The following MACROD2 variants were observed in gnomAD, a reference collection of about 807,000 sequenced individuals.
The protein encoded by MACROD2 is mono-ADP ribosylhydrolase 2.
In MACROD2, 36 loss-of-function variants were observed where a neutral mutation model predicts 70.4. The ratio of observed to expected loss-of-function variants is 0.51; its 90% CI spans 0.39 to 0.68. The LOEUF is 0.68. Ranked by LOEUF, MACROD2 falls within the 30% of genes least tolerant of loss-of-function variation. The probability of loss-of-function intolerance (pLI) is 0.00; values close to 1 mark genes in which losing one functional copy is unlikely to be tolerated. For missense variants in MACROD2, 496 were observed against 538.4 expected, an observed-to-expected ratio of 0.92 and a Z score of 0.78; for synonymous variants, 172 against 178.8, an observed-to-expected ratio of 0.96 and a Z score of 0.30.
chr20:15,139,981 C>T (rs748288038), intron 5 of MACROD2, among the ~76,000 whole-genome samples: 55 of 152,174 alleles, frequency 3.6e-4, no homozygotes, highest in Non-Finnish European at 6.3e-4. Flanking sequence ...TGATGGGTAT[C>T]GCCATTGAGG....
intron 6 of MACROD2, among the ~76,000 whole-genome samples, chr20:15,380,411 ATAACT>A (rs200706477): frequency 0.024 from 3,381 of 140,812 alleles, 115 homozygotes; most frequent in African/African-American, 0.093. Flanking sequence ...AGATTAGGAA[ATAACT>A]TAGGGAAAGT....
intron 8 of MACROD2, among the ~76,000 whole-genome samples, chr20:15,648,707 G>A (rs1206713211): frequency 6.6e-6 from 1 of 151,106 alleles, no homozygotes; most frequent in African/African-American, 2.4e-5. Context: ...TAGATGGATG[G>A]GTGGATGGAT....
At chr20:14,013,390 A>G (rs920066359) in intron 2 of MACROD2, among the ~76,000 whole-genome samples, 8 of 150,174 alleles carry the variant, frequency 5.3e-5, no homozygotes, top group Non-Finnish European at 1.2e-4. Flanking sequence ...CTCCTGCCTC[A>G]GCCTCCCGAG....
chr20:14,757,636 C>T, intron 5 of MACROD2: 2 of 1,201,804 alleles, frequency 1.7e-6, no homozygotes, highest in Non-Finnish European at 2.5e-6. Flanking sequence ...TGGCCAAGGA[C>T]ATCCACATGC....
At chr20:14,898,959 T>C (rs2073863257) in intron 5 of MACROD2, among the ~76,000 whole-genome samples, 1 of 152,134 alleles carries the variant, frequency 6.6e-6, no homozygotes, top group Admixed American at 6.5e-5. Flanking sequence ...AAATCATGCC[T>C]TTTTTTCTAG....
chr20:14,377,530 CT>C (rs150613474), intron 3 of MACROD2, among the ~76,000 whole-genome samples: 8,461 of 152,282 alleles, frequency 0.056, 270 homozygotes, highest in African/African-American at 0.075. Flanking sequence ...GTGCATCCCT[CT>C]TGGCTACAAA....
chr20:15,238,351 A>T (rs2077032285), intron 6 of MACROD2, among the ~76,000 whole-genome samples: 1 of 152,162 alleles, frequency 6.6e-6, no homozygotes, highest in Non-Finnish European at 1.5e-5. Context: ...GAAAAACAAT[A>T]TCACGTGTTG....
At chr20:14,729,012 T>A (rs1401274068) in intron 5 of MACROD2, among the ~76,000 whole-genome samples, 1 of 152,152 alleles carries the variant, frequency 6.6e-6, no homozygotes, top group Non-Finnish European at 1.5e-5. Flanking sequence ...TCCAATTAGA[T>A]AAATTTCTGA....
chr20:15,062,028 C>T (rs893608811), intron 5 of MACROD2, among the ~76,000 whole-genome samples: 9 of 152,198 alleles, frequency 5.9e-5, no homozygotes, highest in Non-Finnish European at 8.8e-5. Flanking sequence ...GAAGGCAGAG[C>T]AAGGGCAGAT....
intron 3 of MACROD2, among the ~76,000 whole-genome samples, chr20:14,439,601 A>T (rs2084097971): frequency 6.6e-6 from 1 of 152,138 alleles, no homozygotes; most frequent in African/African-American, 2.4e-5. Context: ...GAACTTGAAT[A>T]TGGGTTCTGC....
At chr20:15,394,488 A>G (rs529746359) in intron 6 of MACROD2, among the ~76,000 whole-genome samples, 1 of 152,324 alleles carries the variant, frequency 6.6e-6, no homozygotes, top group African/African-American at 2.4e-5. Context: ...AATGTTTTAC[A>G]TCTTAAATTA....
intron 8 of MACROD2, among the ~76,000 whole-genome samples, chr20:15,658,277 T>C (rs890391144): frequency 3.6e-4 from 54 of 151,686 alleles, no homozygotes; most frequent in African/African-American, 1.2e-3. Context: ...ATTTGACTTA[T>C]GGAGTGCTGC....
chr20:15,166,381 G>T (rs937060119), intron 5 of MACROD2, among the ~76,000 whole-genome samples: 29 of 152,286 alleles, frequency 1.9e-4, no homozygotes, highest in Admixed American at 7.8e-4. Flanking sequence ...TTTCTGAAAT[G>T]TGAATATGCA....
At chr20:15,067,342 T>TTTTG (rs1040558805) in intron 5 of MACROD2, among the ~76,000 whole-genome samples, 10 of 151,978 alleles carry the variant, frequency 6.6e-5, no homozygotes, top group Admixed American at 1.3e-4. Flanking sequence ...TTTTGTTTTG[T>TTTTG]TTTGTTTGTT....
chr20:14,288,585 A>G (rs570897477), intron 3 of MACROD2, among the ~76,000 whole-genome samples: 1 of 152,286 alleles, frequency 6.6e-6, no homozygotes, highest in African/African-American at 2.4e-5. Context: ...CAGCCTCTCC[A>G]TGAGGAAAAG....
At chr20:14,699,870 A>C (rs1008187427) in intron 5 of MACROD2, among the ~76,000 whole-genome samples, 1 of 135,950 alleles carries the variant, frequency 7.4e-6, no homozygotes, top group African/African-American at 2.8e-5. Context: ...TTAAAGTTTA[A>C]ACTTTTTAAA....
At chr20:15,221,789 CAT>C (rs398121208) in intron 5 of MACROD2, among the ~76,000 whole-genome samples, 1 of 138,284 alleles carries the variant, frequency 7.2e-6, no homozygotes, top group Non-Finnish European at 1.6e-5. Context: ...AAGAATAAAA[CAT>C]ATTATCAGCA....
intron 8 of MACROD2, among the ~76,000 whole-genome samples, chr20:15,543,879 C>A (rs2047991188): frequency 6.6e-6 from 1 of 152,224 alleles, no homozygotes; most frequent in Non-Finnish European, 1.5e-5. Flanking sequence ...TGGACATGTT[C>A]TTCTCATGGT....
intron 7 of MACROD2, among the ~76,000 whole-genome samples, chr20:15,470,586 G>A (rs1217828434): frequency 6.6e-6 from 1 of 152,160 alleles, no homozygotes; most frequent in Non-Finnish European, 1.5e-5. Context: ...GTCCTGCAGA[G>A]ATACCACCAA....
Sources: gnomAD v4.1 joint callset for allele counts (sites outside exome capture counted in the v4.1 genomes callset) on GRCh38, gnomAD v4.1.1 for gene constraint, MANE v1.5 for transcripts, NCBI Gene and HGNC (gene_info 2026-07-23, HGNC 2026-07-21) for gene names.